Variants in NELL2 observed in about 807,000 individuals in gnomAD.
NELL2 encodes neural EGFL like 2, also known as protein kinase C-binding protein NELL2.
NELL2 carries 41 observed loss-of-function variants against 109.6 expected under a neutral mutation model. The observed-to-expected ratio is 0.37, with a 90% CI of 0.29 to 0.49. The LOEUF is 0.49. Ranked by LOEUF, NELL2 falls within the 20% of genes least tolerant of loss-of-function variation. The pLI is 0.98. For synonymous variants in NELL2, 355 were observed against 344.7 expected, an observed-to-expected ratio of 1.03 and a Z score of -0.33; for missense variants, 900 against 1,008.3, an observed-to-expected ratio of 0.89 and a Z score of 1.45.
At chr12:44,646,138 T>A (rs892304758) in intron 13 of NELL2, among the ~76,000 whole-genome samples, 19 of 152,144 alleles carry the variant, frequency 1.2e-4, no homozygotes, top group Non-Finnish European at 2.2e-4. Flanking sequence ...TACTTTTTTT[T>A]AAACCACTTG....
chr12:44,739,081 T>C (rs1939803169), intron 9 of NELL2, among the ~76,000 whole-genome samples: 1 of 152,224 alleles, frequency 6.6e-6, no homozygotes, highest in South Asian at 2.1e-4. Flanking sequence ...ATATTCATCC[T>C]TCTGATCTTA....
chr12:44,737,220 G>A (rs1242089190), intron 9 of NELL2, among the ~76,000 whole-genome samples: 1 of 151,778 alleles, frequency 6.6e-6, no homozygotes, highest in Non-Finnish European at 1.5e-5. Flanking sequence ...ATTTTATTTT[G>A]CTATAAGTCC....
intron 2 of NELL2, among the ~76,000 whole-genome samples, chr12:44,870,986 A>G (rs1339543661): frequency 1.3e-5 from 2 of 152,146 alleles, no homozygotes; most frequent in Admixed American, 6.6e-5. Context: ...CCTACCATGT[A>G]ACCTGGTTCC....
At chr12:44,562,851 T>C (rs895921893) in intron 15 of NELL2, among the ~76,000 whole-genome samples, 5 of 152,190 alleles carry the variant, frequency 3.3e-5, no homozygotes, top group Admixed American at 6.5e-5. Context: ...TATTCTACTA[T>C]AAAGACACAT....
chr12:44,653,728 G>A (rs1947385586), intron 13 of NELL2, among the ~76,000 whole-genome samples: 1 of 151,938 alleles, frequency 6.6e-6, no homozygotes, highest in Non-Finnish European at 1.5e-5. Context: ...ATTGATTATT[G>A]GAAGTCTCAT....
At chr12:44,582,093 C>T (rs1944344468) in intron 15 of NELL2, among the ~76,000 whole-genome samples, 2 of 151,992 alleles carry the variant, frequency 1.3e-5, no homozygotes, top group African/African-American at 4.8e-5. Context: ...ACAAGGCCAT[C>T]GATAGTAGGA....
intron 17 of NELL2, 185 bp downstream of exon 17, chr12:44,523,106 T>A: frequency 1.6e-6 from 1 of 638,884 alleles, no homozygotes. Flanking sequence ...GGATCTAAGG[T>A]TGTGGGACTA....
chr12:44,665,649 A>G (rs563817492), intron 12 of NELL2, 40 bp from the exon 13 acceptor site: 13 of 1,576,878 alleles, frequency 8.2e-6, no homozygotes, highest in Non-Finnish European at 1.1e-5. Flanking sequence ...ACAGTGGGCA[A>G]TATTCTGGAG....
At chr12:44,805,128 T>C (rs1942956934) in intron 3 of NELL2, among the ~76,000 whole-genome samples, 1 of 151,772 alleles carries the variant, frequency 6.6e-6, no homozygotes, top group African/African-American at 2.4e-5. Context: ...CATTAAAAAA[T>C]GTAGAAAGAA....
intron 2 of NELL2, among the ~76,000 whole-genome samples, chr12:44,848,611 G>A (rs2136771635): frequency 6.6e-6 from 1 of 152,098 alleles, no homozygotes; most frequent in Middle Eastern, 3.4e-3. Context: ...CTTTGTTTTA[G>A]TTATGAGGTC....
intron 9 of NELL2, among the ~76,000 whole-genome samples, chr12:44,715,717 C>T (rs1487141056): frequency 6.6e-6 from 1 of 152,038 alleles, no homozygotes; most frequent in African/African-American, 2.4e-5. Context: ...ATTTCAAAGA[C>T]CAGTGGAAGT....
upstream of NELL2, among the ~76,000 whole-genome samples, chr12:44,877,280 T>C (rs1945354655): frequency 6.6e-6 from 1 of 152,202 alleles, no homozygotes; most frequent in South Asian, 2.1e-4. Flanking sequence ...TCACCACATA[T>C]GTCCGGGACC....
chr12:44,790,157 GC>G (rs1210290126), intron 3 of NELL2, among the ~76,000 whole-genome samples: 1 of 152,026 alleles, frequency 6.6e-6, no homozygotes, highest in Non-Finnish European at 1.5e-5. Context: ...AAAGATCATC[GC>G]CTAGGCACAT....
upstream of NELL2, among the ~76,000 whole-genome samples, chr12:44,916,227 A>G (rs1945828032): frequency 1.3e-5 from 2 of 152,226 alleles, no homozygotes; most frequent in Admixed American, 1.3e-4. Flanking sequence ...ATTTAAAGTT[A>G]TGAACATGAA....
intron 9 of NELL2, among the ~76,000 whole-genome samples, chr12:44,767,055 A>T (rs1941361784): frequency 6.6e-6 from 1 of 152,232 alleles, no homozygotes; most frequent in South Asian, 2.1e-4. Context: ...ATAATGCCTT[A>T]GAGCCAGAGG....
intron 15 of NELL2, among the ~76,000 whole-genome samples, chr12:44,556,622 G>A (rs368428364): frequency 4.6e-5 from 7 of 152,178 alleles, no homozygotes; most frequent in Non-Finnish European, 7.4e-5. Context: ...GATGTGAGGG[G>A]CTTTGTTAAA....
At chr12:44,617,788 A>AAT (rs1439043789) in intron 13 of NELL2, among the ~76,000 whole-genome samples, 1 of 151,878 alleles carries the variant, frequency 6.6e-6, no homozygotes, top group African/African-American at 2.4e-5. Flanking sequence ...ACTTAAGAAA[A>AAT]ATTAGTTGCC....
intron 3 of NELL2, among the ~76,000 whole-genome samples, chr12:44,807,405 C>T (rs557765192): frequency 1.7e-4 from 26 of 151,194 alleles, no homozygotes; most frequent in Non-Finnish European, 3.5e-4. Context: ...AAAAAATATC[C>T]GTTCATTAAC....
intron 1 of NELL2, among the ~76,000 whole-genome samples, chr12:44,909,929 G>T (rs145337190): frequency 6.6e-6 from 1 of 151,866 alleles, no homozygotes; most frequent in South Asian, 2.1e-4. Flanking sequence ...CCAGCTATAC[G>T]CAGAATAATG....
Sources: gnomAD v4.1 joint callset for allele counts (sites outside exome capture counted in the v4.1 genomes callset) on GRCh38, gnomAD v4.1.1 for gene constraint, MANE v1.5 for transcripts, NCBI Gene and HGNC (gene_info 2026-07-23, HGNC 2026-07-21) for gene names.